ERGIC1: variants seen among roughly 807,000 people sequenced by gnomAD.
ERGIC1 encodes the protein endoplasmic reticulum-Golgi intermediate compartment protein 1.
ERGIC1 carries 19 observed loss-of-function variants against 38.3 expected under a neutral mutation model. The observed-to-expected ratio is 0.50, with a 90% CI of 0.35 to 0.73. The LOEUF (loss-of-function observed/expected upper bound fraction) is 0.73, where lower values mean the gene tolerates loss of function less well. Ranked by LOEUF, ERGIC1 falls within the 30% of genes least tolerant of loss-of-function variation. The pLI, the probability that ERGIC1 is intolerant of heterozygous loss-of-function variation, is 0.01. For missense variants in ERGIC1, 294 were observed against 389.2 expected, an observed-to-expected ratio of 0.76 and a Z score of 2.06; for synonymous variants, 124 against 157.6, an observed-to-expected ratio of 0.79 and a Z score of 1.60.
At position 172,846,898 on chromosome 5, in the gene ERGIC1, A is replaced by G. The variant is rs1452148692; in HGVS notation, c.20+12465A>G. 6.6e-6 allele frequency among the ~76,000 whole-genome samples: 1 copy of G among 152,212 alleles called. No individual in the cohort carries two copies. The highest frequency in any genetic ancestry group is 2.1e-4 in the South Asian group (1 of 4,832). On this transcript the variant is annotated intron_variant, in intron 1 of 9. Transcript: ENST00000393784. The surrounding 1 kb of genome is among the most constrained non-coding windows in gnomAD (Gnocchi z 4.0). ...GCTTGATATCTATTCGTTACAGAAA[A>G]AAGCACCAGGATATCCAGGCTGTCA...
At chr5:172,928,630 G>A (rs1237939666) in intron 7 of ERGIC1, among the ~76,000 whole-genome samples, 1 of 152,174 alleles carries the variant, frequency 6.6e-6, no homozygotes, top group Non-Finnish European at 1.5e-5. Context: ...CTTGCCCACT[G>A]CTTTGTCCCC....
intron 4 of ERGIC1, 103 bp downstream of exon 4, chr5:172,909,864 T>C: frequency 9.9e-7 from 1 of 1,007,056 alleles, no homozygotes; most frequent in Non-Finnish European, 1.6e-6. Context: ...AGCCAACATA[T>C]GGTTCTCCCC....
chr5:172,935,087 A>G, intron 8 of ERGIC1, 101 bp from the exon 9 acceptor site: 2 of 1,557,574 alleles, frequency 1.3e-6, no homozygotes, highest in Non-Finnish European at 1.8e-6. Context: ...GAGAGGGAGG[A>G]AAGCCCTTTC....
intron 1 of ERGIC1, among the ~76,000 whole-genome samples, chr5:172,878,625 A>G (rs190543419): frequency 5.3e-5 from 8 of 152,142 alleles, no homozygotes; most frequent in Admixed American, 3.3e-4. Context: ...TGGGCTGGAG[A>G]CAGAGATGGA....
At chr5:172,888,399 G>C (rs536015635) in intron 1 of ERGIC1, among the ~76,000 whole-genome samples, 4 of 152,126 alleles carry the variant, frequency 2.6e-5, no homozygotes, top group Non-Finnish European at 5.9e-5. Flanking sequence ...GGCAGAGGTT[G>C]CAGTGAGCCA....
At position 172,837,278 on chromosome 5, in the gene ERGIC1, G is replaced by C. The variant is rs533727328; in HGVS notation, c.20+2845G>C. On this transcript the variant is annotated intron_variant, in intron 1 of 9. Coordinates refer to ENST00000393784, the MANE Select transcript of ERGIC1 (RefSeq NM_001031711.3). This position sits in a 1 kb window ranked among gnomAD's most constrained non-coding sequence, Gnocchi z 4.3. ...TGTCTGTGAAATGGGAATGAGGAGA[G>C]TACTCACCGAAGTAGAACAGTTGAG... Among the ~76,000 whole-genome samples, 1 of 152,218 alleles carries C rather than the reference G, an allele frequency of 6.6e-6. No individual in the cohort carries two copies. Among genetic ancestry groups the C allele is most frequent in the Non-Finnish European group, 1.5e-5 (1 of 68,046 alleles).
At chr5:172,873,131 T>C (rs1421181575) in intron 1 of ERGIC1, among the ~76,000 whole-genome samples, 3 of 152,276 alleles carry the variant, frequency 2.0e-5, no homozygotes, top group Non-Finnish European at 4.4e-5. Flanking sequence ...TTTTATCCGA[T>C]GATGGGCCAC....
At chr5:172,909,055 G>A (rs1453731987) in intron 3 of ERGIC1, among the ~76,000 whole-genome samples, 2 of 152,100 alleles carry the variant, frequency 1.3e-5, no homozygotes, top group Non-Finnish European at 2.9e-5. Context: ...ACAGAGGTGA[G>A]CATAGGAAGT....
In ERGIC1 at chr5:172,834,562, C is replaced by A; in HGVS notation, c.20+129C>A. 1.1e-6 allele frequency: 1 copy of A among 930,856 alleles called. No homozygotes were observed. The highest frequency in any genetic ancestry group is 1.4e-6 in the Non-Finnish European group (1 of 729,398). The allele number at this position is 930,856 out of a possible 1,614,324, so 57.7% of individuals were successfully genotyped here. A position where few individuals can be genotyped will look rare whatever the true frequency, so the allele number is the denominator to read the frequency against. ...CGCCCTGTGCATGCCTCCGCAGGCC[C>A]CTAGGGACCCCAGGCGAGCCCCCCC... On this transcript the variant is annotated intron_variant, in intron 1 of 9. Transcript: ENST00000393784. This position sits in a 1 kb window ranked among gnomAD's most constrained non-coding sequence, Gnocchi z 4.1.
chr5:172,851,438 G>A (rs1761402311), intron 1 of ERGIC1, among the ~76,000 whole-genome samples: 1 of 152,146 alleles, frequency 6.6e-6, no homozygotes, highest in East Asian at 1.9e-4. Flanking sequence ...CAACCCCGGA[G>A]GCAGAGGTTG....
chr5:172,856,666 C>G (rs1761556685), intron 1 of ERGIC1, among the ~76,000 whole-genome samples: 1 of 152,160 alleles, frequency 6.6e-6, no homozygotes, highest in Admixed American at 6.5e-5. Flanking sequence ...AAGCTCCCTA[C>G]AGCTTAGAGG....
At chr5:172,908,926 G>A (rs1053593904) in intron 3 of ERGIC1, among the ~76,000 whole-genome samples, 2 of 152,164 alleles carry the variant, frequency 1.3e-5, no homozygotes, top group Non-Finnish European at 2.9e-5. Context: ...AGGCTGTAAG[G>A]TCCTCTGTGC....
At chr5:172,877,293 A>G (rs1252229347) in intron 1 of ERGIC1, among the ~76,000 whole-genome samples, 1 of 151,968 alleles carries the variant, frequency 6.6e-6, no homozygotes, top group Non-Finnish European at 1.5e-5. Context: ...ACCCACTAAC[A>G]TGTCTATATT....
chr5:172,841,485 C>T (rs950181747), intron 1 of ERGIC1, among the ~76,000 whole-genome samples: 38 of 152,348 alleles, frequency 2.5e-4, no homozygotes, highest in African/African-American at 7.7e-4. Flanking sequence ...CACAGCTACA[C>T]AGGAAGGCAG....
At chr5:172,841,209 A>C (rs1470416680) in intron 1 of ERGIC1, among the ~76,000 whole-genome samples, 2 of 152,068 alleles carry the variant, frequency 1.3e-5, no homozygotes, top group Non-Finnish European at 2.9e-5. Context: ...CAGGAAAAAA[A>C]CCTCCAACGC....
chr5:172,940,303 G>A (rs1763981278), intron 9 of ERGIC1, among the ~76,000 whole-genome samples: 1 of 152,078 alleles, frequency 6.6e-6, no homozygotes, highest in Non-Finnish European at 1.5e-5. Context: ...TCTCTCTCTC[G>A]GCACGTGGGG....
At chr5:172,931,857 C>CTTT (rs375589121) in intron 7 of ERGIC1, among the ~76,000 whole-genome samples, 33,140 of 122,784 alleles carry the variant, frequency 0.27, 5,801 homozygotes, top group Non-Finnish European at 0.35. Flanking sequence ...AGCACCCACA[C>CTTT]TTTTTTTTTT....
At chr5:172,916,803 C>G (rs1449141467) in intron 5 of ERGIC1, 8 of 151,988 alleles carry the variant, frequency 5.3e-5, no homozygotes, top group African/African-American at 1.9e-4. Context: ...TGGTGAAACC[C>G]TGCCTCTACT....
chr5:172,851,928 G>A (rs1461224163), intron 1 of ERGIC1, among the ~76,000 whole-genome samples: 3 of 152,220 alleles, frequency 2.0e-5, no homozygotes, highest in South Asian at 2.1e-4. Flanking sequence ...CAGCTCATAT[G>A]AGTCCATCCC....
Sources: allele counts gnomAD v4.1 joint callset (sites outside exome capture counted in the v4.1 genomes callset), GRCh38; gene constraint gnomAD v4.1.1; non-coding constraint Gnocchi (gnomAD v3.1); transcripts MANE v1.5; gene names NCBI Gene and HGNC (gene_info 2026-07-23, HGNC 2026-07-21).